Variants in CLUAP1 observed in about 807,000 individuals in gnomAD.
CLUAP1 encodes clusterin-associated protein 1.
Under a neutral mutation model 55.0 loss-of-function variants are expected in CLUAP1, and 50 were observed. The ratio of observed to expected loss-of-function variants is 0.91; its 90% confidence interval spans 0.72 to 1.15. The LOEUF (loss-of-function observed/expected upper bound fraction) is 1.15. CLUAP1 is among the 50% of genes most tolerant of loss of function. CLUAP1 has a pLI of 0.00. For synonymous variants in CLUAP1, 195 were observed against 175.4 expected (o/e 1.11, Z -0.88); for missense variants, 530 against 507.6 (o/e 1.04, Z -0.42).
chr16:3,517,137 T>C (rs569838793), intron 6 of CLUAP1, among the ~76,000 whole-genome samples: 303 of 151,470 alleles, frequency 2.0e-3, no homozygotes, highest in Non-Finnish European at 3.3e-3. Flanking sequence ...TCTTTTTTTT[T>C]TTTTTGAGAC....
intron 7 of CLUAP1, among the ~76,000 whole-genome samples, chr16:3,522,475 A>C (rs2037858123): frequency 6.6e-6 from 1 of 152,182 alleles, no homozygotes; most frequent in Admixed American, 6.5e-5. Flanking sequence ...ACAGTAGAAC[A>C]TTATACCCAA....
At chr16:3,530,442 G>C in intron 9 of CLUAP1, 126 bp from the exon 10 acceptor site, 1 of 692,752 alleles carries the variant, frequency 1.4e-6, no homozygotes, top group Non-Finnish European at 2.6e-6. Flanking sequence ...AGGATTTAAT[G>C]TCTTAATTTC....
intron 9 of CLUAP1, among the ~76,000 whole-genome samples, chr16:3,528,870 C>T (rs1000783182): frequency 1.3e-5 from 2 of 152,092 alleles, no homozygotes; most frequent in Non-Finnish European, 2.9e-5. Context: ...GAGTTATACT[C>T]GCATGTTGTC....
upstream of CLUAP1, among the ~76,000 whole-genome samples, chr16:3,500,136 CCT>C (rs2037358661): frequency 1.3e-5 from 2 of 152,240 alleles, no homozygotes; most frequent in Non-Finnish European, 1.5e-5. Context: ...CCTGCCGTCT[CCT>C]CGCGCCCCCA....
At chr16:3,521,226 C>T (rs778639036) in intron 7 of CLUAP1, among the ~76,000 whole-genome samples, 1 of 151,420 alleles carries the variant, frequency 6.6e-6, no homozygotes, top group Non-Finnish European at 1.5e-5. Context: ...TTGACACATT[C>T]CACTTTTAAA....
chr16:3,502,462 G>T (rs1031111534), intron 1 of CLUAP1, among the ~76,000 whole-genome samples: 25 of 150,760 alleles, frequency 1.7e-4, no homozygotes, highest in African/African-American at 5.6e-4. Flanking sequence ...AAAAAAAAAG[G>T]AAAGGTAGAT....
At chr16:3,502,346 A>G (rs1394578336) in intron 1 of CLUAP1, among the ~76,000 whole-genome samples, 2 of 151,178 alleles carry the variant, frequency 1.3e-5, no homozygotes, top group African/African-American at 2.4e-5. Context: ...TGGGAAGCTG[A>G]GGCAGGAGAA....
chr16:3,525,640 T>G (rs972665007), intron 8 of CLUAP1, among the ~76,000 whole-genome samples: 1 of 152,106 alleles, frequency 6.6e-6, no homozygotes, highest in Non-Finnish European at 1.5e-5. Context: ...TATAACTCAC[T>G]GTAGCTTCAG....
chr16:3,501,932 G>A (rs1031922339), intron 1 of CLUAP1: 18 of 152,130 alleles, frequency 1.2e-4, no homozygotes, highest in African/African-American at 4.3e-4. Flanking sequence ...ACAACTCTGT[G>A]CCCCCTGTAT....
At chr16:3,521,439 G>GT (rs947695269) in intron 7 of CLUAP1, among the ~76,000 whole-genome samples, 2,316 of 142,096 alleles carry the variant, frequency 0.016, 60 homozygotes, top group African/African-American at 0.052. Context: ...TTTTGTTTTT[G>GT]TTTTTTTTTT....
At position 3,519,929 on chromosome 16, in the gene CLUAP1, G is replaced by T. The variant is rs200427672; in HGVS notation, c.606G>T (p.Leu202=). Residue 202 remains leucine (L), a synonymous_variant, in exon 7 of 12, where the codon CTG becomes CTT. Coordinates refer to ENST00000576634, the MANE Select transcript of CLUAP1 (RefSeq NM_015041.3). ...CACAGGTTCAGAAGACTAAAGACCTGCTCAATAATGTGGCCTCTGATGAAG... is the reference window on the plus strand; with the variant it reads ...CACAGGTTCAGAAGACTAAAGACCTTCTCAATAATGTGGCCTCTGATGAAG... ...ILTQVQKTKD[L]LNNVASDEAN... is the part of the protein sequence containing the mutation. 38 of 1,611,686 alleles carry T rather than the reference G, an allele frequency of 2.4e-5. No homozygotes were observed. In the East Asian group the frequency reaches 8.0e-4, roughly 34 times the overall value.
At chr16:3,535,918 A>T (rs1470452925) in intron 11 of CLUAP1, 1 of 596,552 alleles carries the variant, frequency 1.7e-6, no homozygotes, top group African/African-American at 1.9e-5. Flanking sequence ...TGCAGTTTGG[A>T]GGATTCTGGT....
At chr16:3,496,241 G>T, upstream of CLUAP1, 5 of 639,406 alleles carry the variant, frequency 7.8e-6, no homozygotes, top group South Asian at 6.8e-5. Context: ...CTAAAGGTTC[G>T]GCGCAAAGAG....
upstream of CLUAP1, among the ~76,000 whole-genome samples, chr16:3,498,808 C>G (rs905352236): frequency 1.6e-4 from 24 of 151,872 alleles, no homozygotes; most frequent in Admixed American, 1.6e-3. Flanking sequence ...TGCAGTGAGC[C>G]GAGATCGCAC....
At chr16:3,510,315 T>A (rs1447383362) in intron 4 of CLUAP1, among the ~76,000 whole-genome samples, 1 of 149,994 alleles carries the variant, frequency 6.7e-6, no homozygotes, top group African/African-American at 2.5e-5. Flanking sequence ...TTTTTTTTTT[T>A]AGCAGAGATG....
intron 11 of CLUAP1, 72 bp from the exon 12 acceptor site, chr16:3,536,050 C>A: frequency 1.3e-6 from 2 of 1,553,738 alleles, no homozygotes; most frequent in Non-Finnish European, 1.8e-6. Context: ...GAAAGGGAGG[C>A]AGAGAGTCTT....
upstream of CLUAP1, among the ~76,000 whole-genome samples, chr16:3,497,959 GAGA>G (rs2037331072): frequency 6.6e-6 from 1 of 152,136 alleles, no homozygotes; most frequent in Non-Finnish European, 1.5e-5. Context: ...GCCCAGCCAA[GAGA>G]AGATTTATTA....
At chr16:3,500,316 G>A (rs1241009325), upstream of CLUAP1, among the ~76,000 whole-genome samples, 1 of 152,190 alleles carries the variant, frequency 6.6e-6, no homozygotes, top group Admixed American at 6.5e-5. Flanking sequence ...TTCCGACGAG[G>A]AGCGCGCTGT....
At chr16:3,495,600 G>C in the CLUAP1 span, 1 of 1,347,656 alleles carries the variant, frequency 7.4e-7, no homozygotes, top group Non-Finnish European at 9.8e-7. Flanking sequence ...CCAAGGCAAG[G>C]GCAGGGTGAA....
Sources: gnomAD v4.1 joint callset for allele counts (sites outside exome capture counted in the v4.1 genomes callset) on GRCh38, gnomAD v4.1.1 for gene constraint, MANE v1.5 for transcripts, NCBI Gene and HGNC (gene_info 2026-07-23, HGNC 2026-07-21) for gene names.